Variants in DDIAS observed in about 807,000 individuals in gnomAD.
DDIAS encodes DNA damage induced apoptosis suppressor.
A neutral mutation model predicts 15.7 loss-of-function variants in DDIAS; 14 were observed. The observed-to-expected ratio is 0.89, with a 90% CI of 0.59 to 1.39. DDIAS has a LOEUF of 1.39. DDIAS is among the 40% of genes most tolerant of loss of function. The pLI is 0.00. For missense variants in DDIAS, 1,035 were observed against 1,130.9 expected, an observed-to-expected ratio of 0.92 and a Z score of 1.22; for synonymous variants, 355 against 395.9, an observed-to-expected ratio of 0.90 and a Z score of 1.23.
intron 3 of DDIAS, among the ~76,000 whole-genome samples, chr11:82,918,362 C>T (rs1315814323): frequency 1.3e-5 from 2 of 152,080 alleles, no homozygotes; most frequent in African/African-American, 2.4e-5. Context: ...CACTATTGTT[C>T]ACTTTGTCAA....
chr11:82,904,184 T>C (rs1210480118), intron 1 of DDIAS, among the ~76,000 whole-genome samples: 1 of 152,248 alleles, frequency 6.6e-6, no homozygotes, highest in Non-Finnish European at 1.5e-5. Flanking sequence ...TCACATCTTA[T>C]ACTTTTATGT....
intron 1 of DDIAS, among the ~76,000 whole-genome samples, chr11:82,909,927 T>C (rs560914926): frequency 7.6e-4 from 116 of 152,374 alleles, no homozygotes; most frequent in African/African-American, 2.5e-3. Flanking sequence ...GGCAAGATTT[T>C]ATTTTTATAG....
At chr11:82,907,808 TG>T (rs1188568079) in intron 1 of DDIAS, among the ~76,000 whole-genome samples, 3 of 152,322 alleles carry the variant, frequency 2.0e-5, no homozygotes, top group Middle Eastern at 3.4e-3. Context: ...CCCAAAGTGC[TG>T]GGATTATAGG....
In DDIAS at chr11:82,933,994, G is replaced by C; in HGVS notation, c.2656G>C (p.Gly886Arg). The C allele has an allele frequency of 1.2e-6, 2 of 1,613,664 alleles. No homozygotes were observed. Among genetic ancestry groups the C allele is most frequent in the Non-Finnish European group, 1.7e-6 (2 of 1,179,932 alleles). ...GCTTGGATTCCAAGGCATAGGTCTA[G>C]GGAAATGCCTTGCTGCCTATCATTT... ...DMLGFQGIGL[G>R]KCLAAYHFPD... is the part of the protein sequence containing the mutation. The change falls in exon 6 of 6, where the codon GGG becomes CGG. Residue 886 changes from glycine to arginine, a missense_variant. Gly to Arg is a moderately radical substitution (Grantham distance 125). Transcript: ENST00000533655.
At chr11:82,928,742 G>T in intron 3 of DDIAS, 35 bp from the exon 4 acceptor site, 1 of 1,600,228 alleles carries the variant, frequency 6.2e-7, no homozygotes, top group South Asian at 1.1e-5. Flanking sequence ...AACATTTAAT[G>T]AACATCTCCA....
chr11:82,927,729 A>G (rs1860892351), intron 3 of DDIAS, among the ~76,000 whole-genome samples: 1 of 152,264 alleles, frequency 6.6e-6, no homozygotes. Flanking sequence ...GTTATAATAC[A>G]TTGCAAACTA....
At chr11:82,905,542 C>T (rs1860411310) in intron 1 of DDIAS, among the ~76,000 whole-genome samples, 1 of 152,112 alleles carries the variant, frequency 6.6e-6, no homozygotes, top group South Asian at 2.1e-4. Context: ...TATATACTTT[C>T]CTAACTATCC....
At chr11:82,921,714 G>C (rs1321791230) in intron 3 of DDIAS, among the ~76,000 whole-genome samples, 2 of 151,618 alleles carry the variant, frequency 1.3e-5, no homozygotes, top group Non-Finnish European at 2.9e-5. Flanking sequence ...GAGTAGCTGG[G>C]ATTACAGGCA....
chr11:82,923,654 A>G lies in DDIAS; in HGVS notation c.114-5123A>G, dbSNP rs1330460320. ...TGCTTATGGAGGGAGATGGGATTAG[A>G]GTAGTAATAGTACCTAGTGCTGAGT... On this transcript the variant is annotated intron_variant, in intron 3 of 5. Coordinates refer to ENST00000533655, the MANE Select transcript of DDIAS (RefSeq NM_145018.4). Among the ~76,000 whole-genome samples the G allele has an allele frequency of 5.3e-5, 8 of 152,292 alleles. No individual in the cohort carries two copies. The East Asian group carries it at 1.4e-3, about 26-fold the overall frequency.
In DDIAS at chr11:82,928,897, C is replaced by T. The variant is rs1860925281; in HGVS notation, c.234C>T (p.Cys78=). Residue 78 remains cysteine, a synonymous_variant, in exon 4 of 6, where the codon TGC becomes TGT. Coordinates refer to ENST00000533655, the MANE Select transcript of DDIAS (RefSeq NM_145018.4). ...KLFVITVFGS[C]LDTFFGLTAT... Reference sequence around the variant, plus strand: ...TTGTTATTACTGTATTTGGAAGTTGCTTAGATACATTTTTTGGTCTTACTG... The same window carrying T: ...TTGTTATTACTGTATTTGGAAGTTGTTTAGATACATTTTTTGGTCTTACTG... 3.1e-6 allele frequency: 5 copies of T among 1,612,036 alleles called. No individual in the cohort carries two copies. In the South Asian group the frequency reaches 4.4e-5, roughly 14 times the overall value.
chr11:82,921,559 T>C (rs1239168330), intron 3 of DDIAS, among the ~76,000 whole-genome samples: 2 of 135,474 alleles, frequency 1.5e-5, no homozygotes, highest in Admixed American at 1.6e-4. Context: ...TTCACAGTTT[T>C]TTTCTTTCTT....
At position 82,932,765 on chromosome 11, in the gene DDIAS, C is replaced by CTA; in HGVS notation, c.1430_1431dup (p.Ala478Ter). The CTA allele has an allele frequency of 6.2e-7, 1 of 1,614,020 alleles. No homozygotes were observed. Among genetic ancestry groups the CTA allele is most frequent in the Non-Finnish European group, 8.5e-7 (1 of 1,180,014 alleles). On this transcript the variant is annotated frameshift_variant, in exon 6 of 6. Coordinates refer to ENST00000533655, the MANE Select transcript of DDIAS (RefSeq NM_145018.4). LOFTEE classifies it low-confidence loss of function (END_TRUNC). ...ACTACTGGAGCCCTGCATACACCAC[C>CTA]TATAGCTTTAAGATCATCACAAGTA...
At chr11:82,907,930 C>T (rs1374288593) in intron 1 of DDIAS, among the ~76,000 whole-genome samples, 3 of 152,126 alleles carry the variant, frequency 2.0e-5, no homozygotes, top group African/African-American at 7.2e-5. Flanking sequence ...TGGACTAGGT[C>T]CCCGTCTTTA....
chr11:82,907,531 A>G (rs908186435), intron 1 of DDIAS, among the ~76,000 whole-genome samples: 4 of 152,210 alleles, frequency 2.6e-5, no homozygotes, highest in Non-Finnish European at 5.9e-5. Flanking sequence ...AATTCTGCTT[A>G]TAGTTCTTCA....
At chr11:82,928,489 G>A (rs553650274) in intron 3 of DDIAS, among the ~76,000 whole-genome samples, 5 of 152,086 alleles carry the variant, frequency 3.3e-5, no homozygotes, top group East Asian at 1.9e-4. Context: ...GTGAACCACC[G>A]CGCCCGGCCT....
In DDIAS at chr11:82,931,731, G is replaced by T; in HGVS notation, c.394-1G>T. 1 of 1,569,582 alleles carries T rather than the reference G, an allele frequency of 6.4e-7. No homozygotes were observed. The highest frequency in any genetic ancestry group is 2.2e-5 in the East Asian group (1 of 44,472). ...CTTAAATTTCTTTGCTTCTTTCACA[G>T]AATTTTGAAAACCAACCTGGACAAG... On this transcript the variant is annotated splice_acceptor_variant, in intron 5 of 5. Transcript: ENST00000533655. LOFTEE classifies it high-confidence loss of function.
At chr11:82,928,488 C>T (rs1000485410) in intron 3 of DDIAS, among the ~76,000 whole-genome samples, 3 of 151,984 alleles carry the variant, frequency 2.0e-5, no homozygotes, top group East Asian at 1.9e-4. Context: ...TGTGAACCAC[C>T]GCGCCCGGCC....
In DDIAS at chr11:82,928,914, G is replaced by T; in HGVS notation, c.251G>T (p.Gly84Val). 1 of 1,611,748 alleles carries T rather than the reference G, an allele frequency of 6.2e-7. No homozygotes were observed. The highest frequency in any genetic ancestry group is 8.5e-7 in the Non-Finnish European group (1 of 1,179,458). Residue 84 changes from glycine to valine, a missense_variant, in exon 4 of 6, where the codon GGT (glycine) becomes GTT (valine). Transcript: ENST00000533655. Reference sequence around the variant, plus strand: ...GGAAGTTGCTTAGATACATTTTTTGGTCTTACTGCCACTGGTTTGCACAGG... The same window carrying T: ...GGAAGTTGCTTAGATACATTTTTTGTTCTTACTGCCACTGGTTTGCACAGG... ...VFGSCLDTFF[G>V]LTATGLHRYI...
Position 82,933,922 on chromosome 11 carries a change from G to A in DDIAS, c.2584G>A (p.Asp862Asn), listed in dbSNP as rs543775785. 6.2e-7 allele frequency: 1 copy of A among 1,613,576 alleles called. No individual in the cohort carries two copies. The highest frequency in any genetic ancestry group is 1.1e-5 in the South Asian group (1 of 90,880). ...TGCTGAGTGCCATGAAACTGATAGT[G>A]ATGAATGGGTCCCTCCTACCACACA... ...PFAECHETDS[D>N]EWVPPTTQKI... is the part of the protein sequence containing the mutation. Residue 862 changes from aspartate (D) to asparagine (N), a missense_variant, in exon 6 of 6, where the codon GAT becomes AAT. By Grantham distance (23) the Asp-to-Asn change is conservative. Transcript: ENST00000533655.
Sources: allele counts gnomAD v4.1 joint callset (sites outside exome capture counted in the v4.1 genomes callset), GRCh38; gene constraint gnomAD v4.1.1; transcripts MANE v1.5; gene names NCBI Gene and HGNC (gene_info 2026-07-23, HGNC 2026-07-21).